ANKFN1: variants seen among roughly 807,000 people sequenced by gnomAD.
ANKFN1 encodes the protein ankyrin repeat and fibronectin type-III domain-containing protein 1.
In ANKFN1, 74 loss-of-function variants were observed where a neutral mutation model predicts 108.7. That is an observed-to-expected ratio of 0.68 (90% CI 0.56 to 0.83). ANKFN1 has a LOEUF of 0.83. Ranked by LOEUF, ANKFN1 falls within the 40% of genes least tolerant of loss-of-function variation. ANKFN1 has a pLI of 0.00. For synonymous variants in ANKFN1, 547 were observed against 516.2 expected, an observed-to-expected ratio of 1.06 and a Z score of -0.81; for missense variants, 1,505 against 1,382.3, an observed-to-expected ratio of 1.09 and a Z score of -1.41.
chr17:56,287,598 C>T (rs1035950824), intron 3 of ANKFN1, among the ~76,000 whole-genome samples: 25 of 152,152 alleles, frequency 1.6e-4, no homozygotes, highest in South Asian at 2.1e-4. Flanking sequence ...AAGAAGTAAA[C>T]GCTGATCTGG....
At chr17:56,220,668 G>A (rs1432968547) in intron 2 of ANKFN1, among the ~76,000 whole-genome samples, 2 of 145,748 alleles carry the variant, frequency 1.4e-5, no homozygotes, top group Non-Finnish European at 3.0e-5. Flanking sequence ...AAGAAAGAAA[G>A]AAAGAGGAAG....
chr17:56,262,938 T>A (rs181841491), intron 3 of ANKFN1, among the ~76,000 whole-genome samples: 111 of 152,328 alleles, frequency 7.3e-4, no homozygotes, highest in African/African-American at 2.6e-3. Context: ...ATTGTTAAGG[T>A]GCTTTTGTAA....
Position 56,058,916 on chromosome 17 carries a change from G to A in ANKFN1, c.288+12591G>A, listed in dbSNP as rs9893879. ...GCATATGTGTGCATGTGTCTTTATAGTAGAATGATTTATAACCCTTTGGGT... is the reference window on the plus strand; with the variant it reads ...GCATATGTGTGCATGTGTCTTTATAATAGAATGATTTATAACCCTTTGGGT... On this transcript the variant is annotated intron_variant, in intron 4 of 12. Coordinates refer to the ANKFN1 transcript ENST00000635860. 4.0e-3 allele frequency among the ~76,000 whole-genome samples: 610 copies of A among 152,306 alleles called. 4 individuals are homozygous for A. Among genetic ancestry groups the A allele is most frequent in the African/African-American group, 0.014 (586 of 41,552 alleles).
chr17:56,382,290 G>C (rs936817361), intron 8 of ANKFN1, among the ~76,000 whole-genome samples: 3 of 152,120 alleles, frequency 2.0e-5, no homozygotes, highest in Non-Finnish European at 2.9e-5. Flanking sequence ...GAGAGATTTT[G>C]TCACCACCAG....
At chr17:56,344,735 G>T (rs2046051891) in intron 4 of ANKFN1, among the ~76,000 whole-genome samples, 1 of 151,926 alleles carries the variant, frequency 6.6e-6, no homozygotes, top group Admixed American at 6.6e-5. Flanking sequence ...ATGAAGATAA[G>T]CCTTGTGAGT....
chr17:56,255,578 T>C (rs1055873307), intron 3 of ANKFN1, among the ~76,000 whole-genome samples: 1 of 152,202 alleles, frequency 6.6e-6, no homozygotes, highest in Non-Finnish European at 1.5e-5. Flanking sequence ...GAAGTGGTTA[T>C]TTTTTAATGG....
intron 15 of ANKFN1, among the ~76,000 whole-genome samples, chr17:56,467,266 AT>A (rs1186517072): frequency 6.6e-6 from 1 of 152,148 alleles, no homozygotes; most frequent in African/African-American, 2.4e-5. Context: ...ATGTGTGTGT[AT>A]TTGAGTGTGT....
chr17:56,277,044 C>A (rs1432396612), intron 3 of ANKFN1, among the ~76,000 whole-genome samples: 2 of 152,048 alleles, frequency 1.3e-5, no homozygotes, highest in Admixed American at 6.6e-5. Flanking sequence ...GGGTTACCCC[C>A]ACTAACTCCT....
chr17:56,168,818 G>A (rs79438251), intron 1 of ANKFN1, among the ~76,000 whole-genome samples: 1,557 of 152,270 alleles, frequency 0.01, 28 homozygotes, highest in African/African-American at 0.035. Context: ...CACCCTAATT[G>A]GAACAGTTAC....
chr17:56,459,130 G>A (rs1212951831), intron 14 of ANKFN1, among the ~76,000 whole-genome samples: 2 of 151,948 alleles, frequency 1.3e-5, no homozygotes, highest in Admixed American at 1.3e-4. Flanking sequence ...GGTGGTGGTG[G>A]AATGGAATCT....
chr17:56,078,564 C>A (rs1905208233), intron 4 of ANKFN1, among the ~76,000 whole-genome samples: 2 of 152,156 alleles, frequency 1.3e-5, no homozygotes. Flanking sequence ...GTTGTTTGTG[C>A]ATGTCAGATT....
chr17:56,082,362 T>C (rs1427634819), intron 4 of ANKFN1, among the ~76,000 whole-genome samples: 2 of 152,120 alleles, frequency 1.3e-5, no homozygotes, highest in African/African-American at 4.8e-5. Flanking sequence ...TTGATATTTT[T>C]GAATCTCCAC....
intron 1 of ANKFN1, among the ~76,000 whole-genome samples, chr17:56,206,733 C>A (rs773589765): frequency 1.3e-5 from 2 of 152,110 alleles, no homozygotes; most frequent in Admixed American, 1.3e-4. Context: ...ATACTATCCC[C>A]GTGCTTCCCA....
intron 1 of ANKFN1, among the ~76,000 whole-genome samples, chr17:56,167,275 A>ATGTATATATATATATATATG (rs1555603947): frequency 1.0e-4 from 1 of 9,780 alleles, no homozygotes; most frequent in African/African-American, 1.3e-4. Context: ...ATATATATAC[A>ATGTATATATATATATATATG]TATATATATA....
At chr17:56,390,720 C>A (rs2047402955) in intron 8 of ANKFN1, among the ~76,000 whole-genome samples, 1 of 152,120 alleles carries the variant, frequency 6.6e-6, no homozygotes, top group Admixed American at 6.5e-5. Context: ...TGTTTCCTGA[C>A]TTTTTAATAA....
At chr17:56,170,774 T>TTATATATATATATATA (rs60304505) in intron 1 of ANKFN1, among the ~76,000 whole-genome samples, 1 of 68,096 alleles carries the variant, frequency 1.5e-5, no homozygotes, top group Non-Finnish European at 2.5e-5. Flanking sequence ...AAAAAATTTT[T>TTATATATATATATATA]TATATATATA....
At position 56,424,439 on chromosome 17, in the gene ANKFN1, C is replaced by G. The variant is rs556695300; in HGVS notation, c.911-15888C>G. On this transcript the variant is annotated intron_variant, in intron 8 of 20. Transcript: ENST00000682825. Reference sequence around the variant, plus strand: ...TCAGTCTGGCAAAGCCTTAACTTCACCTCTAAAATGAGAAAAATACATAAC... The same window carrying G: ...TCAGTCTGGCAAAGCCTTAACTTCAGCTCTAAAATGAGAAAAATACATAAC... Among the ~76,000 whole-genome samples the G allele has an allele frequency of 5.3e-5, 8 of 152,256 alleles. No homozygotes were observed. In the South Asian group the frequency reaches 1.7e-3, roughly 32 times the overall value.
intron 2 of ANKFN1, among the ~76,000 whole-genome samples, chr17:56,213,143 G>C (rs1915150415): frequency 6.6e-6 from 1 of 152,132 alleles, no homozygotes; most frequent in Non-Finnish European, 1.5e-5. Flanking sequence ...TTAACATACA[G>C]AGCAGCTGGG....
intron 3 of ANKFN1, among the ~76,000 whole-genome samples, chr17:56,310,616 CA>C (rs111929941): frequency 0.12 from 15,175 of 127,512 alleles, 773 homozygotes; most frequent in East Asian, 0.17. Context: ...GACTCCATCT[CA>C]AAAAAAAAAA....
Sources: gnomAD v4.1 joint callset for allele counts (sites outside exome capture counted in the v4.1 genomes callset) on GRCh38, gnomAD v4.1.1 for gene constraint, MANE v1.5 for transcripts, NCBI Gene and HGNC (gene_info 2026-07-23, HGNC 2026-07-21) for gene names.